Variants in DGKH observed in about 807,000 individuals in gnomAD.
The protein encoded by DGKH is diacylglycerol kinase eta, also known as DAG kinase eta.
A neutral mutation model predicts 159.3 loss-of-function variants in DGKH; 90 were observed. The observed-to-expected ratio is 0.57, with a 90% CI of 0.48 to 0.67. The LOEUF (loss-of-function observed/expected upper bound fraction) is 0.67, where lower values mean the gene tolerates loss of function less well. DGKH is among the 30% of genes least tolerant of loss of function. The pLI, the probability that DGKH is intolerant of heterozygous loss-of-function variation, is 0.00. For missense variants in DGKH, 1,181 were observed against 1,506.1 expected, an observed-to-expected ratio of 0.78 and a Z score of 3.57; for synonymous variants, 536 against 553.8, an observed-to-expected ratio of 0.97 and a Z score of 0.45.
chr13:42,155,514 CA>C lies in DGKH; in HGVS notation c.489+120del, dbSNP rs1391497666. On this transcript the variant is annotated intron_variant, in intron 4 of 29. Transcript: ENST00000337343. ...CACTCATTCAGCAACTTGTTTAAACCAGATTTTGAAATTCTTATCTTAAAGC... is the reference window on the plus strand; with the variant it reads ...CACTCATTCAGCAACTTGTTTAAACCGATTTTGAAATTCTTATCTTAAAGC... 12 of 1,509,740 alleles carry C rather than the reference CA, an allele frequency of 7.9e-6. No homozygotes were observed. In the Admixed American group the frequency reaches 1.3e-4, roughly 17 times the overall value. 93.5% of individuals were successfully genotyped at this position (1,509,740 alleles called of 1,614,324 possible).
chr13:42,048,643 A>C, upstream of DGKH: 3 of 1,115,316 alleles, frequency 2.7e-6, no homozygotes, highest in African/African-American at 1.6e-5. The surrounding 1 kb of genome is among the most constrained non-coding windows in gnomAD (Gnocchi z 6.7). Context: ...TCGCGGGGGT[A>C]GCTAGGGAAA....
At position 42,228,188 on chromosome 13, in the gene DGKH, G is replaced by A. The variant is rs118126277; in HGVS notation, c.3574-911G>A. ...CAAATATTTGCAAGGTACTTGCTGT[G>A]CACACTCTGCAGTCATCATCTATTT... On this transcript the variant is annotated intron_variant, in intron 29 of 29. Coordinates refer to ENST00000337343, the MANE Select transcript of DGKH (RefSeq NM_178009.5). Among the ~76,000 whole-genome samples the A allele has an allele frequency of 3.4e-4, 51 of 152,192 alleles. No homozygotes were observed. In the East Asian group the frequency reaches 8.1e-3, roughly 24 times the overall value.
chr13:42,071,845 C>T (rs9566908), intron 1 of DGKH, among the ~76,000 whole-genome samples: 52,281 of 152,004 alleles, frequency 0.34, 9,229 homozygotes, highest in East Asian at 0.4. Context: ...TTGCCGCAGT[C>T]ACCGCCATGT....
At chr13:42,099,692 T>G (rs1350048858) in intron 1 of DGKH, among the ~76,000 whole-genome samples, 1 of 152,186 alleles carries the variant, frequency 6.6e-6, no homozygotes, top group African/African-American at 2.4e-5. Flanking sequence ...TGCAACCGAA[T>G]GCAACAGTGA....
At chr13:42,188,385 T>A (rs947689130) in intron 14 of DGKH, among the ~76,000 whole-genome samples, 1 of 152,196 alleles carries the variant, frequency 6.6e-6, no homozygotes, top group African/African-American at 2.4e-5. Flanking sequence ...TCTGTATCCC[T>A]CTTCTTTTCC....
intron 1 of DGKH, among the ~76,000 whole-genome samples, chr13:42,080,251 C>T (rs1734888148): frequency 6.6e-6 from 1 of 152,142 alleles, no homozygotes. Context: ...TTTGTTAGAT[C>T]AAATGTAAGA....
At position 42,127,524 on chromosome 13, in the gene DGKH, G is replaced by T. The variant is rs201753254; in HGVS notation, c.254G>T (p.Arg85Leu). Residue 85 changes from arginine to leucine, a missense_variant, in exon 2 of 30, where the codon CGA becomes CTA. Around this residue, in one of 5 missense-constraint regions of DGKH, gnomAD observed 136 missense variants for 132.2 expected, o/e 1.03. Coordinates refer to ENST00000337343, the MANE Select transcript of DGKH (RefSeq NM_178009.5). ...AGTTCTTTCCAAAGGTGGAAAAAGC[G>T]ATACTTCAAACTTCGAGGCCGCACC... is the stretch of plus-strand genomic sequence containing the variant. ...QTSSFQRWKK[R>L]YFKLRGRTLY... 82 of 1,613,660 alleles carry T rather than the reference G, an allele frequency of 5.1e-5. No homozygotes were observed. The highest frequency in any genetic ancestry group is 6.4e-5 in the Non-Finnish European group (76 of 1,179,802).
chr13:42,197,834 G>A (rs1356072638), intron 17 of DGKH, among the ~76,000 whole-genome samples: 1 of 152,140 alleles, frequency 6.6e-6, no homozygotes, highest in Non-Finnish European at 1.5e-5. Flanking sequence ...TTCATATTGG[G>A]TTGAGTAGAT....
chr13:42,211,693 G>A (rs61959257), intron 24 of DGKH, among the ~76,000 whole-genome samples: 2,557 of 152,046 alleles, frequency 0.017, 41 homozygotes, highest in Middle Eastern at 0.034. Flanking sequence ...GTGAGACTCC[G>A]TCTTCAAAAA....
intron 21 of DGKH, among the ~76,000 whole-genome samples, chr13:42,207,292 C>G (rs1042916017): frequency 1.3e-5 from 2 of 150,924 alleles, no homozygotes; most frequent in Admixed American, 6.7e-5. Context: ...CAGGTTCAAG[C>G]AGTTCCCCTG....
chr13:42,224,489 G>A (rs1178214963), intron 29 of DGKH, among the ~76,000 whole-genome samples: 3 of 152,110 alleles, frequency 2.0e-5, no homozygotes, highest in Admixed American at 1.3e-4. Flanking sequence ...TGGTCTTTCC[G>A]CTGCCACTCT....
At chr13:42,058,745 G>A (rs1230996244) in intron 1 of DGKH, among the ~76,000 whole-genome samples, 1 of 152,218 alleles carries the variant, frequency 6.6e-6, no homozygotes. Context: ...AAATACAGGT[G>A]AGAGTGATGT....
intron 1 of DGKH, among the ~76,000 whole-genome samples, chr13:42,078,909 C>CTTTTTTTTT (rs55801562): frequency 1.1e-4 from 10 of 93,570 alleles, no homozygotes; most frequent in African/African-American, 2.4e-4. Flanking sequence ...GTATATTCTC[C>CTTTTTTTTT]TTTTTTTTTT....
intron 3 of DGKH, among the ~76,000 whole-genome samples, chr13:42,153,596 G>T (rs958901759): frequency 2.6e-5 from 4 of 152,292 alleles, no homozygotes; most frequent in African/African-American, 9.6e-5. Flanking sequence ...GAAATGCTGT[G>T]CCAGTCATTA....
intron 1 of DGKH, among the ~76,000 whole-genome samples, chr13:42,108,042 A>G (rs1404154173): frequency 2.0e-5 from 3 of 152,186 alleles, no homozygotes; most frequent in African/African-American, 7.2e-5. Context: ...TCCTTAAAAG[A>G]AGAGTCATTT....
intron 17 of DGKH, chr13:42,196,048 G>A (rs900899773): frequency 4.6e-5 from 7 of 152,164 alleles, no homozygotes; most frequent in Non-Finnish European, 1.5e-5. Context: ...TACATGAAAG[G>A]ATGCTCAACA....
At chr13:42,066,828 T>C (rs1346260068) in intron 1 of DGKH, 1 of 152,198 alleles carries the variant, frequency 6.6e-6, no homozygotes, top group Non-Finnish European at 1.5e-5. Flanking sequence ...AATGTTATGA[T>C]GTGCATTATT....
intron 1 of DGKH, among the ~76,000 whole-genome samples, chr13:42,095,087 A>AT: frequency 6.7e-6 from 1 of 148,780 alleles, no homozygotes; most frequent in Non-Finnish European, 1.5e-5. Context: ...AATTTTTTCC[A>AT]TTTTGACTGT....
chr13:42,159,568 G>A (rs191063984), intron 6 of DGKH, among the ~76,000 whole-genome samples, 196 bp downstream of exon 6: 81 of 152,214 alleles, frequency 5.3e-4, no homozygotes, highest in African/African-American at 1.9e-3. Context: ...AATCTGTTGT[G>A]AATAGGGCTT....
Sources: allele counts gnomAD v4.1 joint callset (sites outside exome capture counted in the v4.1 genomes callset), GRCh38; gene constraint gnomAD v4.1.1; regional missense constraint gnomAD v4.1.1; non-coding constraint Gnocchi (gnomAD v3.1); transcripts MANE v1.5; gene names NCBI Gene and HGNC (gene_info 2026-07-23, HGNC 2026-07-21).